The following ANKRD30BL variants were observed in gnomAD, a reference collection of about 807,000 sequenced individuals.
ANKRD30BL encodes putative ankyrin repeat domain-containing protein 30B-like.
In ANKRD30BL, 20 loss-of-function variants were observed where a neutral mutation model predicts 18.4. The ratio of observed to expected loss-of-function variants is 1.09; its 90% CI spans 0.77 to 1.58. The LOEUF (loss-of-function observed/expected upper bound fraction) is 1.58, where lower values mean the gene tolerates loss of function less well. Ranked by LOEUF, ANKRD30BL falls within the 40% of genes most tolerant of loss-of-function variation. The pLI is 0.00. For synonymous variants in ANKRD30BL, 72 were observed against 100.9 expected (o/e 0.71, Z 1.72); for missense variants, 224 against 268.6 (o/e 0.83, Z 1.16).
At chr2:132,218,941 G>T (rs199803159) in intron 1 of ANKRD30BL, among the ~76,000 whole-genome samples, 3 of 151,878 alleles carry the variant, frequency 2.0e-5, no homozygotes, top group Non-Finnish European at 4.4e-5. Flanking sequence ...CATTTGGACC[G>T]CTTTGAGGCC....
At chr2:132,226,529 T>C (rs1288211077) in intron 1 of ANKRD30BL, among the ~76,000 whole-genome samples, 1 of 152,014 alleles carries the variant, frequency 6.6e-6, no homozygotes, top group Non-Finnish European at 1.5e-5. Flanking sequence ...TATCTTCACA[T>C]AAAATCTAGA....
rs771741810 is a variant in ANKRD30BL, at chr2:132,161,595, C to T, written c.111G>A (p.Gly37=). 9.4e-5 allele frequency: 137 copies of T among 1,454,958 alleles called. No individual in the cohort carries two copies. The highest frequency in any genetic ancestry group is 1.2e-4 in the Non-Finnish European group (130 of 1,061,896). 90.1% of individuals were successfully genotyped at this position (1,454,958 alleles called of 1,614,324 possible). ...TNNDSYVIHH[G]DLRKIHKAAS... ...CAGCTTTGTGGATCTTCCTGAGATCCCCATGGTGAATCACGTAAGAGTCGT... is the reference window on the plus strand; with the variant it reads ...CAGCTTTGTGGATCTTCCTGAGATCTCCATGGTGAATCACGTAAGAGTCGT... The change falls in exon 1 of 6, where the codon GGG becomes GGA. Residue 37 remains glycine (G), a synonymous_variant. Transcript: ENST00000409867.
chr2:132,236,909 A>G (rs1391467316), intron 1 of ANKRD30BL, among the ~76,000 whole-genome samples: 1 of 151,852 alleles, frequency 6.6e-6, no homozygotes, highest in African/African-American at 2.4e-5. Flanking sequence ...GATTAAGAAA[A>G]TGTGGCACAT....
chr2:132,231,177 G>A (rs1679999238), intron 1 of ANKRD30BL, among the ~76,000 whole-genome samples: 1 of 152,162 alleles, frequency 6.6e-6, no homozygotes, highest in Non-Finnish European at 1.5e-5. Context: ...CTACATAGAA[G>A]CATTCTCAGA....
chr2:132,158,912 T>C (rs1288148543), intron 1 of ANKRD30BL, among the ~76,000 whole-genome samples: 1 of 151,954 alleles, frequency 6.6e-6, no homozygotes, highest in African/African-American at 2.4e-5. Flanking sequence ...CCACAAAAAG[T>C]AATAATTAAA....
intron 1 of ANKRD30BL, among the ~76,000 whole-genome samples, chr2:132,204,108 A>G (rs1679163118): frequency 6.6e-6 from 1 of 152,252 alleles, no homozygotes; most frequent in African/African-American, 2.4e-5. Context: ...CTTTGTATCA[A>G]TATTTTAATT....
intron 1 of ANKRD30BL, among the ~76,000 whole-genome samples, chr2:132,240,801 G>A (rs1225431211): frequency 1.3e-5 from 2 of 151,398 alleles, no homozygotes; most frequent in East Asian, 1.9e-4. Flanking sequence ...CATTTGGAGC[G>A]CTTTGAGGCC....
chr2:132,218,956 T>C (rs1363898893), intron 1 of ANKRD30BL, among the ~76,000 whole-genome samples: 3 of 151,742 alleles, frequency 2.0e-5, no homozygotes, highest in Admixed American at 6.6e-5. Context: ...GAGGCCTTCG[T>C]TGGAAACGGG....
chr2:132,231,825 G>A (rs957943726), intron 1 of ANKRD30BL, among the ~76,000 whole-genome samples: 3 of 152,218 alleles, frequency 2.0e-5, no homozygotes, highest in Non-Finnish European at 4.4e-5. Flanking sequence ...CTCGAACTGG[G>A]TGGAGCCCAC....
intron 1 of ANKRD30BL, among the ~76,000 whole-genome samples, chr2:132,237,736 T>C (rs1573877077): frequency 2.0e-5 from 3 of 152,066 alleles, no homozygotes; most frequent in South Asian, 2.1e-4. Flanking sequence ...TTGTAGAATC[T>C]GTAAGTGGAA....
intron 1 of ANKRD30BL, among the ~76,000 whole-genome samples, chr2:132,168,221 A>G (rs1430005594): frequency 1.3e-5 from 2 of 152,160 alleles, no homozygotes; most frequent in Non-Finnish European, 2.9e-5. Flanking sequence ...GTTGTTGAAT[A>G]TATTTTCAAA....
intron 1 of ANKRD30BL, among the ~76,000 whole-genome samples, chr2:132,198,324 C>CTTTCTTTT (rs1387738908): frequency 5.9e-5 from 1 of 16,814 alleles, no homozygotes; most frequent in African/African-American, 1.4e-4. Context: ...TTCTTTCTTT[C>CTTTCTTTT]TTTTTTTTTT....
chr2:132,247,617 C>T (rs1680539844), intron 1 of ANKRD30BL, among the ~76,000 whole-genome samples: 1 of 151,822 alleles, frequency 6.6e-6, no homozygotes, highest in Non-Finnish European at 1.5e-5. Context: ...CCTCAAAATG[C>T]TCAGATATAT....
intron 4 of ANKRD30BL, among the ~76,000 whole-genome samples, chr2:132,153,337 A>G (rs1217209674): frequency 2.0e-5 from 3 of 152,330 alleles, no homozygotes; most frequent in African/African-American, 7.2e-5. Flanking sequence ...AAATTGTGAC[A>G]TTATATTTAT....
chr2:132,155,633 T>A (rs551903803), intron 3 of ANKRD30BL: 1 of 152,136 alleles, frequency 6.6e-6, no homozygotes, highest in Non-Finnish European at 1.5e-5. Context: ...GGCAAGGTGG[T>A]TCATGCCTGT....
intron 1 of ANKRD30BL, among the ~76,000 whole-genome samples, chr2:132,216,979 A>G (rs533824014): frequency 2.0e-5 from 3 of 152,002 alleles, no homozygotes; most frequent in South Asian, 4.2e-4. Context: ...TGTGAATTCA[A>G]CTCACAGAGT....
chr2:132,251,504 C>T (rs554864347), intron 1 of ANKRD30BL, among the ~76,000 whole-genome samples: 2 of 152,332 alleles, frequency 1.3e-5, no homozygotes, highest in South Asian at 2.1e-4. Flanking sequence ...ACCCCATAGT[C>T]TGTTCTCCAT....
intron 1 of ANKRD30BL, among the ~76,000 whole-genome samples, chr2:132,174,460 A>G (rs1688329786): frequency 6.6e-6 from 1 of 152,186 alleles, no homozygotes; most frequent in African/African-American, 2.4e-5. Flanking sequence ...ACAGCATCAT[A>G]CCCAGTAGGG....
At chr2:132,167,191 T>A (rs1244911960) in intron 1 of ANKRD30BL, among the ~76,000 whole-genome samples, 1 of 151,794 alleles carries the variant, frequency 6.6e-6, no homozygotes, top group Non-Finnish European at 1.5e-5. Flanking sequence ...TGGCCCATAA[T>A]GCAGTGTGTC....
Sources: gnomAD v4.1 joint callset for allele counts (sites outside exome capture counted in the v4.1 genomes callset) on GRCh38, gnomAD v4.1.1 for gene constraint, MANE v1.5 for transcripts, NCBI Gene and HGNC (gene_info 2026-07-23, HGNC 2026-07-21) for gene names.